Variants in ZC2HC1B observed in about 807,000 individuals in gnomAD.
The protein encoded by ZC2HC1B is zinc finger C2HC-type containing 1B.
Under a neutral mutation model 31.0 loss-of-function variants are expected in ZC2HC1B, and 36 were observed. The ratio of observed to expected loss-of-function variants is 1.16; its 90% CI spans 0.89 to 1.54. The LOEUF (loss-of-function observed/expected upper bound fraction) is 1.54, where lower values mean the gene tolerates loss of function less well. Among genes scored for constraint, ZC2HC1B ranks in the 40% most tolerant of loss-of-function variants. The pLI is 0.00. For missense variants in ZC2HC1B, 260 were observed against 268.6 expected, an observed-to-expected ratio of 0.97 and a Z score of 0.22; for synonymous variants, 73 against 88.0, an observed-to-expected ratio of 0.83 and a Z score of 0.95.
In ZC2HC1B at chr6:143,934,189, A is replaced by C. The variant is rs1313680869; in HGVS notation, c.599-3460A>C. Among the ~76,000 whole-genome samples, 1 of 152,132 alleles carries C rather than the reference A, an allele frequency of 6.6e-6. No individual in the cohort carries two copies. Among genetic ancestry groups the C allele is most frequent in the Admixed American group, 6.5e-5 (1 of 15,276 alleles). ...GATGTGTCCCCTCTCAGACTTTGGG[A>C]ACTTACGAATTTTCACCTGTCTTGC... On this transcript the variant is annotated intron_variant, in intron 6 of 7. Coordinates refer to ENST00000237275, the MANE Select transcript of ZC2HC1B (RefSeq NM_001013623.3). The surrounding 1 kb of genome is among the most constrained non-coding windows in gnomAD (Gnocchi z 4.6).
intron 6 of ZC2HC1B, among the ~76,000 whole-genome samples, chr6:143,929,469 G>A (rs1301351396): frequency 1.3e-5 from 2 of 152,136 alleles, no homozygotes; most frequent in Non-Finnish European, 2.9e-5. Flanking sequence ...TGTGCTGTAT[G>A]ATTTTGTTTG....
At position 143,923,666 on chromosome 6, in the gene ZC2HC1B, T is replaced by C. The variant is rs922898309; in HGVS notation, c.599-13983T>C. Among the ~76,000 whole-genome samples, 4 of 152,108 alleles carry C rather than the reference T, an allele frequency of 2.6e-5. No individual in the cohort carries two copies. The highest frequency in any genetic ancestry group is 9.7e-5 in the African/African-American group (4 of 41,444). On this transcript the variant is annotated intron_variant, in intron 6 of 7. Transcript: ENST00000237275. The surrounding 1 kb of genome is among the most constrained non-coding windows in gnomAD (Gnocchi z 4.8). Reference sequence around the variant, plus strand: ...GGGATCTAGTTTCATTTTTCTGTACTTGGATATCCAGTTTTCCCTGTACCA... The same window carrying C: ...GGGATCTAGTTTCATTTTTCTGTACCTGGATATCCAGTTTTCCCTGTACCA...
chr6:143,895,548 T>G lies in ZC2HC1B; in HGVS notation c.350-3004T>G, dbSNP rs778479523. On this transcript the variant is annotated intron_variant, in intron 4 of 7. Transcript: ENST00000237275. The surrounding 1 kb of genome is among the most constrained non-coding windows in gnomAD (Gnocchi z 4.8). ...GAATGTGCCAGTAATTTCCCTTTTTTCCTCAGCATGATTCCCTATTTTCAT... is the reference window on the plus strand; with the variant it reads ...GAATGTGCCAGTAATTTCCCTTTTTGCCTCAGCATGATTCCCTATTTTCAT... 6.6e-6 allele frequency among the ~76,000 whole-genome samples: 1 copy of G among 152,220 alleles called. No individual in the cohort carries two copies. The highest frequency in any genetic ancestry group is 2.4e-5 in the African/African-American group (1 of 41,458).
Position 143,913,397 on chromosome 6 carries a change from C to T in ZC2HC1B, c.598+10245C>T, listed in dbSNP as rs752475170. 6.6e-6 allele frequency among the ~76,000 whole-genome samples: 1 copy of T among 152,250 alleles called. No homozygotes were observed. The highest frequency in any genetic ancestry group is 1.5e-5 in the Non-Finnish European group (1 of 68,042). ...GTTGCCCACCACTCTCCCCTTGAGGCTCCATCCTGTCTCAGGCAGGCTCCG... is the reference window on the plus strand; with the variant it reads ...GTTGCCCACCACTCTCCCCTTGAGGTTCCATCCTGTCTCAGGCAGGCTCCG... On this transcript the variant is annotated intron_variant, in intron 6 of 7. Coordinates refer to ENST00000237275, the MANE Select transcript of ZC2HC1B (RefSeq NM_001013623.3). This position sits in a 1 kb window ranked among gnomAD's most constrained non-coding sequence, Gnocchi z 5.7.
chr6:143,878,908 A>T (rs1326731194), intron 1 of ZC2HC1B, among the ~76,000 whole-genome samples: 1 of 152,164 alleles, frequency 6.6e-6, no homozygotes, highest in Admixed American at 6.5e-5. Flanking sequence ...GACATGCCTT[A>T]TATTGACTAA....
chr6:143,885,683 G>A lies in ZC2HC1B; in HGVS notation c.91-349G>A, dbSNP rs1424892346. Among the ~76,000 whole-genome samples the A allele has an allele frequency of 6.6e-6, 1 of 152,158 alleles. No homozygotes were observed. Among genetic ancestry groups the A allele is most frequent in the Non-Finnish European group, 1.5e-5 (1 of 68,028 alleles). The stretch of plus-strand genomic sequence containing the variant: ...ACAGGTGGTACACAGGGAAAGCTCT[G>A]CATGTTAGCTCTTCAGTTTTTGTAT... On this transcript the variant is annotated intron_variant, in intron 2 of 7. Coordinates refer to ENST00000237275, the MANE Select transcript of ZC2HC1B (RefSeq NM_001013623.3). The surrounding 1 kb of genome is among the most constrained non-coding windows in gnomAD (Gnocchi z 4.2).
At chr6:143,874,550 G>A (rs776769765) in intron 1 of ZC2HC1B, among the ~76,000 whole-genome samples, 1 of 152,218 alleles carries the variant, frequency 6.6e-6, no homozygotes, top group Non-Finnish European at 1.5e-5. Context: ...CCACATGGCT[G>A]GGGAGGACTC....
At position 143,902,477 on chromosome 6, in the gene ZC2HC1B, C is replaced by T. The variant is rs559130464; in HGVS notation, c.490-567C>T. 3.1e-4 allele frequency among the ~76,000 whole-genome samples: 47 copies of T among 152,118 alleles called. No homozygotes were observed. The South Asian group carries it at 6.0e-3, about 19-fold the overall frequency. On this transcript the variant is annotated intron_variant, in intron 5 of 7. Coordinates refer to ENST00000237275, the MANE Select transcript of ZC2HC1B (RefSeq NM_001013623.3). ...ACAGGTTATCTTTATCCTGCAGTTC[C>T]GTGGAACTGGAGGTGGGATCAGTGG...
chr6:143,866,670 C>A (rs1328939381), intron 1 of ZC2HC1B, among the ~76,000 whole-genome samples: 2 of 152,186 alleles, frequency 1.3e-5, no homozygotes, highest in East Asian at 3.8e-4. Flanking sequence ...CCTCTTGTAA[C>A]TTTACTGTTA....
In ZC2HC1B at chr6:143,885,843, C is replaced by T. The variant is rs1479029932; in HGVS notation, c.91-189C>T. Among the ~76,000 whole-genome samples, 1 of 152,176 alleles carries T rather than the reference C, an allele frequency of 6.6e-6. No homozygotes were observed. Among genetic ancestry groups the T allele is most frequent in the Non-Finnish European group, 1.5e-5 (1 of 68,034 alleles). ...GCATTTTATTGTCTTTGCTCAAGCA[C>T]AATATCTAGTTATATGTAACATGGA... On this transcript the variant is annotated intron_variant, in intron 2 of 7. Transcript: ENST00000237275. The surrounding 1 kb of genome is among the most constrained non-coding windows in gnomAD (Gnocchi z 4.2).
chr6:143,911,746 T>G lies in ZC2HC1B; in HGVS notation c.598+8594T>G, dbSNP rs1217668333. Among the ~76,000 whole-genome samples the G allele has an allele frequency of 6.6e-6, 1 of 152,164 alleles. No homozygotes were observed. The highest frequency in any genetic ancestry group is 1.5e-5 in the Non-Finnish European group (1 of 68,028). On this transcript the variant is annotated intron_variant, in intron 6 of 7. Transcript: ENST00000237275. This position sits in a 1 kb window ranked among gnomAD's most constrained non-coding sequence, Gnocchi z 4.5. ...TTGAAGAATCTGATTATTATGTGTC[T>G]TGGGGATGATCTTCTCAGGGAGTAT... is the stretch of plus-strand genomic sequence containing the variant.
Position 143,869,384 on chromosome 6 carries a change from T to C in ZC2HC1B, c.28+4817T>C, listed in dbSNP as rs1229177158. 6.6e-6 allele frequency among the ~76,000 whole-genome samples: 1 copy of C among 152,240 alleles called. No individual in the cohort carries two copies. Among genetic ancestry groups the C allele is most frequent in the Non-Finnish European group, 1.5e-5 (1 of 68,036 alleles). ...ACTTCAAAAGGCCATCCCACCGTTA[T>C]ATCAATCCAACTGCTTCAGGATGAT... On this transcript the variant is annotated intron_variant, in intron 1 of 7. Coordinates refer to ENST00000237275, the MANE Select transcript of ZC2HC1B (RefSeq NM_001013623.3). The surrounding 1 kb of genome is among the most constrained non-coding windows in gnomAD (Gnocchi z 5.2).
At position 143,884,194 on chromosome 6, in the gene ZC2HC1B, G is replaced by A. The variant is rs1261842391; in HGVS notation, c.29-110G>A. On this transcript the variant is annotated intron_variant, in intron 1 of 7. Transcript: ENST00000237275. This position sits in a 1 kb window ranked among gnomAD's most constrained non-coding sequence, Gnocchi z 5.1. ...AAGGGAAGAAGCAGTTGGTGGGGAG[G>A]GAAAAGAGAGTGAGGATATCAAGCT... The A allele has an allele frequency of 3.0e-5, 28 of 942,300 alleles. No homozygotes were observed. The East Asian group carries it at 8.0e-4, about 27-fold the overall frequency. 58.4% of individuals were successfully genotyped at this position (942,300 alleles called of 1,614,324 possible). A position where few individuals can be genotyped will look rare whatever the true frequency, so the allele number is the denominator to read the frequency against.
At position 143,887,742 on chromosome 6, in the gene ZC2HC1B, A is replaced by G. The variant is rs1330542330; in HGVS notation, c.349+921A>G. Among the ~76,000 whole-genome samples, 1 of 152,046 alleles carries G rather than the reference A, an allele frequency of 6.6e-6. No individual in the cohort carries two copies. The highest frequency in any genetic ancestry group is 2.4e-5 in the African/African-American group (1 of 41,430). ...CTATCTCATCTTTATGTAAACTGAA[A>G]GTTAGGGCTAGAATCTCAATGAGAT... On this transcript the variant is annotated intron_variant, in intron 4 of 7. Coordinates refer to ENST00000237275, the MANE Select transcript of ZC2HC1B (RefSeq NM_001013623.3). The surrounding 1 kb of genome is among the most constrained non-coding windows in gnomAD (Gnocchi z 5.1).
rs1777320997 is a variant in ZC2HC1B, at chr6:143,870,315, G to A, written c.28+5748G>A. Among the ~76,000 whole-genome samples the A allele has an allele frequency of 6.6e-6, 1 of 152,162 alleles. No homozygotes were observed. Among genetic ancestry groups the A allele is most frequent in the African/African-American group, 2.4e-5 (1 of 41,430 alleles). ...TAGAAAGGCAGCTGTCCACTTTTGG[G>A]TGGTGCCTCCATATTGTGCAGAACC... On this transcript the variant is annotated intron_variant, in intron 1 of 7. Coordinates refer to ENST00000237275, the MANE Select transcript of ZC2HC1B (RefSeq NM_001013623.3). This position sits in a 1 kb window ranked among gnomAD's most constrained non-coding sequence, Gnocchi z 4.7.
chr6:143,922,227 A>T lies in ZC2HC1B; in HGVS notation c.599-15422A>T, dbSNP rs952116445. ...ATATTTGTACATGTTTATGGAATAC[A>T]TGTGGTATTTTGATACATGAATAAA... On this transcript the variant is annotated intron_variant, in intron 6 of 7. Coordinates refer to ENST00000237275, the MANE Select transcript of ZC2HC1B (RefSeq NM_001013623.3). This position sits in a 1 kb window ranked among gnomAD's most constrained non-coding sequence, Gnocchi z 5.0. Among the ~76,000 whole-genome samples the T allele has an allele frequency of 9.9e-5, 15 of 152,232 alleles. No individual in the cohort carries two copies. Among genetic ancestry groups the T allele is most frequent in the African/African-American group, 2.9e-4 (12 of 41,472 alleles).
In ZC2HC1B at chr6:143,908,779, G is replaced by T. The variant is rs186757089; in HGVS notation, c.598+5627G>T. On this transcript the variant is annotated intron_variant, in intron 6 of 7. Transcript: ENST00000237275. The surrounding 1 kb of genome is among the most constrained non-coding windows in gnomAD (Gnocchi z 4.4). ...GGAATCTTCTTTCTTTCTTTGTTTTGCCTGATTGCCCTGGACAGAACTTCC... is the reference window on the plus strand; with the variant it reads ...GGAATCTTCTTTCTTTCTTTGTTTTTCCTGATTGCCCTGGACAGAACTTCC... Among the ~76,000 whole-genome samples, 735 of 152,192 alleles carry T rather than the reference G, an allele frequency of 4.8e-3. 5 individuals carry two copies. Among genetic ancestry groups the T allele is most frequent in the African/African-American group, 0.017 (702 of 41,512 alleles).
Position 143,869,869 on chromosome 6 carries a change from G to A in ZC2HC1B, c.28+5302G>A, listed in dbSNP as rs1292392269. On this transcript the variant is annotated intron_variant, in intron 1 of 7. Coordinates refer to ENST00000237275, the MANE Select transcript of ZC2HC1B (RefSeq NM_001013623.3). This position sits in a 1 kb window ranked among gnomAD's most constrained non-coding sequence, Gnocchi z 5.2. Reference sequence around the variant, plus strand: ...CTGCCACCATGGCCACTTTGTTCATGGGCCCATTGGGCGACAACAGGGGTG... The same window carrying A: ...CTGCCACCATGGCCACTTTGTTCATAGGCCCATTGGGCGACAACAGGGGTG... 6.6e-6 allele frequency among the ~76,000 whole-genome samples: 1 copy of A among 152,176 alleles called. No homozygotes were observed. The highest frequency in any genetic ancestry group is 2.4e-5 in the African/African-American group (1 of 41,432).
chr6:143,874,789 G>A (rs1234960771), intron 1 of ZC2HC1B, among the ~76,000 whole-genome samples: 2 of 152,088 alleles, frequency 1.3e-5, no homozygotes, highest in Non-Finnish European at 2.9e-5. Context: ...TGAGAGTTTG[G>A]TGGAGACAGA....
Sources: gnomAD v4.1 joint callset for allele counts (sites outside exome capture counted in the v4.1 genomes callset) on GRCh38, gnomAD v4.1.1 for gene constraint, Gnocchi (gnomAD v3.1) non-coding constraint, MANE v1.5 for transcripts, NCBI Gene and HGNC (gene_info 2026-07-23, HGNC 2026-07-21) for gene names.